The following TBCK variants were observed in gnomAD, a reference collection of about 807,000 sequenced individuals.
The protein encoded by TBCK is TBC domain-containing protein kinase-like protein.
TBCK carries 99 observed loss-of-function variants against 113.4 expected under a neutral mutation model. The observed-to-expected ratio is 0.87, with a 90% confidence interval of 0.74 to 1.03. The LOEUF (loss-of-function observed/expected upper bound fraction) is 1.03, where lower values mean the gene tolerates loss of function less well. Ranked by LOEUF, TBCK falls within the 50% of genes least tolerant of loss-of-function variation. The pLI, the probability that TBCK is intolerant of heterozygous loss-of-function variation, is 0.00. For missense variants in TBCK, 1,045 were observed against 1,061.3 expected (o/e 0.98, Z 0.21); for synonymous variants, 369 against 370.8 (o/e 1.00, Z 0.05).
intron 23 of TBCK, among the ~76,000 whole-genome samples, chr4:106,149,613 G>C (rs1748246092): frequency 6.6e-6 from 1 of 152,038 alleles, no homozygotes; most frequent in African/African-American, 2.4e-5. Context: ...CTCCGTTTGT[G>C]GTGCACCAAA....
Position 106,065,292 on chromosome 4 carries a change from G to A in TBCK, c.2572-18612C>T, listed in dbSNP as rs146851524. 3.5e-3 allele frequency among the ~76,000 whole-genome samples: 527 copies of A among 152,024 alleles called. 1 individual carries two copies. Among genetic ancestry groups the A allele is most frequent in the African/African-American group, 0.011 (470 of 41,526 alleles). The stretch of plus-strand genomic sequence containing the variant: ...TTCAGCATGCTTCAGTTTTGTAAGA[G>A]GTATCTTTCTGGGGCTCTCTGTATA... On this transcript the variant is annotated intron_variant, in intron 25 of 25. Transcript: ENST00000394708.
chr4:106,154,531 G>A lies in TBCK; in HGVS notation c.2235+16564C>T, dbSNP rs1309139972. On this transcript the variant is annotated intron_variant, in intron 23 of 25. Coordinates refer to ENST00000394708, the MANE Select transcript of TBCK (RefSeq NM_001163435.3). ...ATGTGGGGCCTGGTGAGAGGTGATT[G>A]GATCATGGGAGTCATTTCTCATGGC... 3.9e-5 allele frequency among the ~76,000 whole-genome samples: 6 copies of A among 152,078 alleles called. No homozygotes were observed. The East Asian group carries it at 1.2e-3, about 29-fold the overall frequency.
chr4:106,186,563 A>C (rs1336382734), intron 22 of TBCK, among the ~76,000 whole-genome samples: 1 of 151,926 alleles, frequency 6.6e-6, no homozygotes, highest in Non-Finnish European at 1.5e-5. Context: ...TGTACTTTTT[A>C]CATTTTTAAA....
At chr4:106,048,588 A>G (rs1448354003) in intron 25 of TBCK, among the ~76,000 whole-genome samples, 1 of 152,118 alleles carries the variant, frequency 6.6e-6, no homozygotes, top group African/African-American at 2.4e-5. Context: ...CTGGTACCAT[A>G]TGATTATTGA....
At chr4:106,283,171 CTA>C (rs1187341006) in intron 3 of TBCK, among the ~76,000 whole-genome samples, 1 of 152,060 alleles carries the variant, frequency 6.6e-6, no homozygotes, top group Non-Finnish European at 1.5e-5. Context: ...AACTCCATGA[CTA>C]ACCTAAAAGT....
At chr4:106,085,140 A>T (rs1287914507) in intron 25 of TBCK, among the ~76,000 whole-genome samples, 1 of 152,182 alleles carries the variant, frequency 6.6e-6, no homozygotes, top group African/African-American at 2.4e-5. Flanking sequence ...CAATTAAAAG[A>T]CACAGACTGG....
intron 25 of TBCK, among the ~76,000 whole-genome samples, chr4:106,092,429 C>G (rs1345832338): frequency 6.6e-6 from 1 of 152,228 alleles, no homozygotes; most frequent in African/African-American, 2.4e-5. Context: ...GTCGATGGGA[C>G]CAGGTGCTGT....
In TBCK at chr4:106,045,589, A is replaced by G. The variant is rs1734149140; in HGVS notation, c.*981T>C. 3 of 152,166 alleles carry G rather than the reference A, an allele frequency of 2.0e-5. 1 individual carries two copies. In the South Asian group the frequency reaches 6.2e-4, roughly 32 times the overall value. The allele number at this position is 152,166 out of a possible 1,614,324, so 9.4% of individuals were successfully genotyped here. On this transcript the variant is annotated 3_prime_UTR_variant, in exon 26 of 26. Transcript: ENST00000394708. Reference sequence around the variant, plus strand: ...ATGCACCCAAGTTCTGGCCAATGATATGTAAGCAGAGGTAGTGTGCGCAAC... The same window carrying G: ...ATGCACCCAAGTTCTGGCCAATGATGTGTAAGCAGAGGTAGTGTGCGCAAC...
At chr4:106,289,456 T>C (rs72878506) in intron 3 of TBCK, among the ~76,000 whole-genome samples, 4,091 of 152,234 alleles carry the variant, frequency 0.027, 175 homozygotes, top group African/African-American at 0.094. Flanking sequence ...TCTATAAAAA[T>C]ATAACAAATT....
At chr4:106,267,359 G>A (rs1035043645) in intron 3 of TBCK, among the ~76,000 whole-genome samples, 1 of 151,828 alleles carries the variant, frequency 6.6e-6, no homozygotes, top group African/African-American at 2.4e-5. Flanking sequence ...CATATCAATT[G>A]AGTGGCTATT....
chr4:106,252,077 A>G (rs1560912225), intron 5 of TBCK, 70 bp from the exon 6 acceptor site: 3 of 1,295,270 alleles, frequency 2.3e-6, no homozygotes, highest in South Asian at 3.1e-5. Flanking sequence ...TTTACAATCA[A>G]TGTGGTAAGA....
chr4:106,250,358 A>G (rs1579395327), intron 7 of TBCK, 60 bp downstream of exon 7: 3 of 1,132,562 alleles, frequency 2.6e-6, no homozygotes, highest in Non-Finnish European at 1.3e-6. Flanking sequence ...CTCAATGTGC[A>G]TGATTACTAA....
chr4:106,225,361 A>C (rs567858799), intron 19 of TBCK, among the ~76,000 whole-genome samples: 1 of 152,210 alleles, frequency 6.6e-6, no homozygotes, highest in African/African-American at 2.4e-5. Flanking sequence ...TAGAGAAACA[A>C]GCAATCAATA....
chr4:106,219,644 G>T lies in TBCK; in HGVS notation c.1775-6809C>A, dbSNP rs566541963. Among the ~76,000 whole-genome samples, 10 of 151,890 alleles carry T rather than the reference G, an allele frequency of 6.6e-5. No individual in the cohort carries two copies. The South Asian group carries it at 2.1e-3, about 32-fold the overall frequency. ...GTGCTAACAATCTACTCAAGGGCAA[G>T]TAACTATTATATTTTTACTAATTAA... On this transcript the variant is annotated intron_variant, in intron 19 of 25. Coordinates refer to ENST00000394708, the MANE Select transcript of TBCK (RefSeq NM_001163435.3).
intron 2 of TBCK, among the ~76,000 whole-genome samples, chr4:106,297,257 A>G (rs1412968840): frequency 6.6e-6 from 1 of 152,192 alleles, no homozygotes; most frequent in Admixed American, 6.5e-5. Context: ...AGGCTTTAAT[A>G]TAAAAGTCAC....
At chr4:106,063,531 T>C (rs1229507622) in intron 25 of TBCK, among the ~76,000 whole-genome samples, 1 of 151,818 alleles carries the variant, frequency 6.6e-6, no homozygotes, top group Non-Finnish European at 1.5e-5. Flanking sequence ...GAACACATAA[T>C]TGTAGAAGGA....
intron 20 of TBCK, among the ~76,000 whole-genome samples, chr4:106,203,538 T>C (rs1012200115): frequency 4.0e-5 from 6 of 151,762 alleles, no homozygotes; most frequent in Non-Finnish European, 7.4e-5. Context: ...GGTCATGATT[T>C]CTCTAAATAA....
chr4:106,245,577 G>T (rs1760704681), intron 10 of TBCK, among the ~76,000 whole-genome samples: 1 of 152,122 alleles, frequency 6.6e-6, no homozygotes, highest in South Asian at 2.1e-4. Flanking sequence ...GAACGAGTTG[G>T]AGCTTGATAT....
intron 16 of TBCK, 91 bp downstream of exon 16, chr4:106,233,497 A>G (rs1759104565): frequency 1.0e-6 from 1 of 955,170 alleles, no homozygotes; most frequent in Non-Finnish European, 1.7e-6. Flanking sequence ...CTCTGTATTC[A>G]TGAGAGAAAG....
Sources: allele counts gnomAD v4.1 joint callset (sites outside exome capture counted in the v4.1 genomes callset), GRCh38; gene constraint gnomAD v4.1.1; transcripts MANE v1.5; gene names NCBI Gene and HGNC (gene_info 2026-07-23, HGNC 2026-07-21).